The following PTPN4 variants were observed in gnomAD, a reference collection of about 807,000 sequenced individuals.
The protein encoded by PTPN4 is protein tyrosine phosphatase non-receptor type 4, also known as tyrosine-protein phosphatase non-receptor type 4.
In PTPN4, 49 loss-of-function variants were observed where a neutral mutation model predicts 135.5. The observed-to-expected ratio is 0.36, with a 90% CI of 0.29 to 0.46. PTPN4 has a LOEUF of 0.46. Among genes scored for constraint, PTPN4 ranks in the 20% least tolerant of loss-of-function variants. The probability of loss-of-function intolerance (pLI) is 1.00; values close to 1 mark genes in which losing one functional copy is unlikely to be tolerated. For synonymous variants in PTPN4, 333 were observed against 369.9 expected, an observed-to-expected ratio of 0.90 and a Z score of 1.14; for missense variants, 860 against 1,101.0, an observed-to-expected ratio of 0.78 and a Z score of 3.10.
At chr2:119,894,263 T>C (rs1054666613) in intron 9 of PTPN4, among the ~76,000 whole-genome samples, 1 of 152,240 alleles carries the variant, frequency 6.6e-6, no homozygotes, top group South Asian at 2.1e-4. Context: ...TTTACAAATG[T>C]AATCTCTTGG....
intron 1 of PTPN4, among the ~76,000 whole-genome samples, chr2:119,801,001 T>G (rs576078740): frequency 3.3e-5 from 5 of 152,174 alleles, no homozygotes; most frequent in Non-Finnish European, 7.4e-5. Flanking sequence ...TTATTTTTCT[T>G]TGGGAGTGGG....
intron 2 of PTPN4, 60 bp downstream of exon 2, chr2:119,810,051 T>C: frequency 1.3e-6 from 2 of 1,496,896 alleles, no homozygotes; most frequent in Middle Eastern, 1.8e-4. Flanking sequence ...TTTAGACATA[T>C]ATGTAAACTA....
intron 2 of PTPN4, among the ~76,000 whole-genome samples, chr2:119,830,800 C>T (rs561952725): frequency 3.3e-5 from 5 of 152,126 alleles, no homozygotes; most frequent in Non-Finnish European, 7.4e-5. Flanking sequence ...CCACATGAGA[C>T]ACCTTGCTCT....
intron 3 of PTPN4, 116 bp downstream of exon 3, chr2:119,862,759 T>A: frequency 1.4e-6 from 1 of 696,848 alleles, no homozygotes; most frequent in Non-Finnish European, 2.3e-6. Flanking sequence ...TTTACTTGAC[T>A]TAAATAGAGG....
chr2:119,928,102 A>G (rs1038434869), intron 13 of PTPN4, among the ~76,000 whole-genome samples: 11 of 152,138 alleles, frequency 7.2e-5, no homozygotes, highest in Non-Finnish European at 1.0e-4. Context: ...ATATGTGTGT[A>G]TATTTGTTTC....
At chr2:119,796,704 G>A (rs1691267088) in intron 1 of PTPN4, among the ~76,000 whole-genome samples, 1 of 152,118 alleles carries the variant, frequency 6.6e-6, no homozygotes, top group Non-Finnish European at 1.5e-5. Flanking sequence ...ACCTAGGAAC[G>A]CAATGGACAG....
At chr2:119,862,472 TAA>T in intron 2 of PTPN4, 62 bp from the exon 3 acceptor site, 1 of 1,456,548 alleles carries the variant, frequency 6.9e-7, no homozygotes, top group Non-Finnish European at 9.5e-7. Context: ...TCAACCAGGT[TAA>T]AAAATGTGAA....
chr2:119,806,979 C>T (rs1246373711), intron 1 of PTPN4, among the ~76,000 whole-genome samples: 4 of 152,130 alleles, frequency 2.6e-5, no homozygotes, highest in South Asian at 2.1e-4. Context: ...TGAATGACTA[C>T]GGGGTAAATA....
intron 2 of PTPN4, among the ~76,000 whole-genome samples, chr2:119,818,227 C>T (rs1448536125): frequency 2.6e-5 from 4 of 151,972 alleles, no homozygotes; most frequent in Non-Finnish European, 5.9e-5. Flanking sequence ...CTAGAGCCTC[C>T]TTGTCTACAC....
chr2:119,762,891 A>G (rs1479502672), intron 1 of PTPN4, among the ~76,000 whole-genome samples: 1 of 152,102 alleles, frequency 6.6e-6, no homozygotes, highest in Non-Finnish European at 1.5e-5. Context: ...GATTTGTTAA[A>G]TTTGCCAGTT....
Position 119,826,130 on chromosome 2 carries a change from C to T in PTPN4, c.138+16139C>T, listed in dbSNP as rs574325840. On this transcript the variant is annotated intron_variant, in intron 2 of 26. Transcript: ENST00000263708. ...TAGTTCTGATGCACATATTCTCTGG[C>T]CTTACAGAGAAACACAGTTGGGAGA... Among the ~76,000 whole-genome samples, 3 of 152,172 alleles carry T rather than the reference C, an allele frequency of 2.0e-5. No homozygotes were observed. In the East Asian group the frequency reaches 5.8e-4, roughly 29 times the overall value.
At chr2:119,856,514 G>T (rs914107627) in intron 2 of PTPN4, among the ~76,000 whole-genome samples, 2 of 152,170 alleles carry the variant, frequency 1.3e-5, no homozygotes, top group African/African-American at 4.8e-5. Context: ...AAATCTTTAA[G>T]GGTTAAAGGT....
chr2:119,764,721 G>A (rs1340107693), intron 1 of PTPN4, among the ~76,000 whole-genome samples: 7 of 151,238 alleles, frequency 4.6e-5, no homozygotes, highest in Non-Finnish European at 7.4e-5. Flanking sequence ...TAGGAATAGC[G>A]TCTTTTGTAT....
chr2:119,907,592 G>A (rs758797975), intron 10 of PTPN4, among the ~76,000 whole-genome samples: 19 of 139,668 alleles, frequency 1.4e-4, no homozygotes, highest in Non-Finnish European at 2.8e-4. Context: ...ATGGCAGAGT[G>A]AGACCCTTTC....
At chr2:119,972,603 A>T (rs1404456251) in intron 26 of PTPN4, among the ~76,000 whole-genome samples, 1 of 152,094 alleles carries the variant, frequency 6.6e-6, no homozygotes, top group Non-Finnish European at 1.5e-5. Context: ...AATGTTGAAT[A>T]GAAGTGATGA....
intron 1 of PTPN4, among the ~76,000 whole-genome samples, chr2:119,770,878 CTTT>C (rs11302568): frequency 3.6e-5 from 5 of 138,950 alleles, no homozygotes; most frequent in Admixed American, 1.4e-4. Context: ...AAGGGTCTAA[CTTT>C]TTTTTTTTTT....
intron 2 of PTPN4, among the ~76,000 whole-genome samples, chr2:119,829,990 T>G (rs898232103): frequency 2.0e-5 from 3 of 148,812 alleles, no homozygotes; most frequent in African/African-American, 7.4e-5. Flanking sequence ...ATTTTCCAGG[T>G]TTTTTTTTTA....
Position 119,933,982 on chromosome 2 carries a change from A to G in PTPN4, c.1197-818A>G, listed in dbSNP as rs1262878756. ...CCATTTCTCCATTTGTACCAGCAAC[A>G]CTAAACAATAATAGCAAGTTATAGA... On this transcript the variant is annotated intron_variant, in intron 14 of 26. Coordinates refer to ENST00000263708, the MANE Select transcript of PTPN4 (RefSeq NM_002830.4). Among the ~76,000 whole-genome samples, 5 of 152,342 alleles carry G rather than the reference A, an allele frequency of 3.3e-5. No homozygotes were observed. In the East Asian group the frequency reaches 9.6e-4, roughly 29 times the overall value.
chr2:119,943,845 GC>G (rs1339097785), intron 15 of PTPN4, among the ~76,000 whole-genome samples: 1 of 151,696 alleles, frequency 6.6e-6, no homozygotes, highest in Non-Finnish European at 1.5e-5. Flanking sequence ...GCCCACCCCG[GC>G]CTCCCAAAGT....
Sources: allele counts gnomAD v4.1 joint callset (sites outside exome capture counted in the v4.1 genomes callset), GRCh38; gene constraint gnomAD v4.1.1; transcripts MANE v1.5; gene names NCBI Gene and HGNC (gene_info 2026-07-23, HGNC 2026-07-21).